Variants in LAMC2 observed in about 807,000 individuals in gnomAD.
The protein encoded by LAMC2 is laminin subunit gamma 2.
In LAMC2, 97 loss-of-function variants were observed where a neutral mutation model predicts 140.2. The observed-to-expected ratio is 0.69, with a 90% CI of 0.59 to 0.82. The LOEUF (loss-of-function observed/expected upper bound fraction) is 0.82. LAMC2 is among the 40% of genes least tolerant of loss of function. The pLI, the probability that LAMC2 is intolerant of heterozygous loss-of-function variation, is 0.00. For synonymous variants in LAMC2, 513 were observed against 540.2 expected, an observed-to-expected ratio of 0.95 and a Z score of 0.70; for missense variants, 1,402 against 1,476.1, an observed-to-expected ratio of 0.95 and a Z score of 0.82.
At chr1:183,192,674 C>CT (rs111369141) in intron 1 of LAMC2, among the ~76,000 whole-genome samples, 38,972 of 151,954 alleles carry the variant, frequency 0.26, 6,335 homozygotes, top group African/African-American at 0.47. Context: ...GTTTAATGTT[C>CT]TTTTTCTGAG....
chr1:183,223,133 A>G lies in LAMC2; in HGVS notation c.764-2A>G. The G allele has an allele frequency of 1.2e-6, 2 of 1,614,026 alleles. No homozygotes were observed. The highest frequency in any genetic ancestry group is 1.7e-6 in the Non-Finnish European group (2 of 1,179,958). On this transcript the variant is annotated splice_acceptor_variant, in intron 6 of 22. Coordinates refer to ENST00000264144, the MANE Select transcript of LAMC2 (RefSeq NM_005562.3). LOFTEE classifies it high-confidence loss of function. ...TCAATCTTTTAAAACTCTGTTTCAC[A>G]GCCAAATTTCTTGGGAATCAACAGG...
Position 183,226,829 on chromosome 1 carries a change from T to C in LAMC2, c.1198T>C (p.Tyr400His). 1.9e-6 allele frequency: 3 copies of C among 1,614,182 alleles called. No homozygotes were observed. Among genetic ancestry groups the C allele is most frequent in the Non-Finnish European group, 2.5e-6 (3 of 1,180,018 alleles). ...GQFCQDCASG[Y>H]KRDSARLGPF... Reference sequence around the variant, plus strand: ...ATTCTGCCAGGATTGTGCTTCTGGCTACAAGAGAGATTCAGCGAGACTGGG... The same window carrying C: ...ATTCTGCCAGGATTGTGCTTCTGGCCACAAGAGAGATTCAGCGAGACTGGG... The change falls in exon 9 of 23, where the codon TAC becomes CAC. Residue 400 changes from tyrosine (Y) to histidine (H), a missense_variant. Tyr to His is a moderately conservative substitution (Grantham distance 83). Around this residue, in one of 3 missense-constraint regions of LAMC2, gnomAD observed 723 missense variants for 783.3 expected, o/e 0.92. Coordinates refer to ENST00000264144, the MANE Select transcript of LAMC2 (RefSeq NM_005562.3).
In LAMC2 at chr1:183,232,505, T is replaced by C. The variant is rs535586589; in HGVS notation, c.2015-147T>C. ...TGTCTGTGGCATTCCCCCTGGGATC[T>C]GAATGATGGTGATAAAAGAATGGTT... On this transcript the variant is annotated intron_variant, in intron 13 of 22. Transcript: ENST00000264144. 246 of 1,065,780 alleles carry C rather than the reference T, an allele frequency of 2.3e-4. 6 individuals carry two copies. In the South Asian group the frequency reaches 3.2e-3, roughly 14 times the overall value. The allele number at this position is 1,065,780 out of a possible 1,614,324, so 66.0% of individuals were successfully genotyped here. A position where few individuals can be genotyped will look rare whatever the true frequency, so the allele number is the denominator to read the frequency against.
At chr1:183,238,953 C>T (rs1478293156) in intron 19 of LAMC2, among the ~76,000 whole-genome samples, 1 of 152,154 alleles carries the variant, frequency 6.6e-6, no homozygotes, top group Non-Finnish European at 1.5e-5. Flanking sequence ...CACTAAAGCA[C>T]AAAAGAGAAA....
chr1:183,255,690 G>T, the LAMC2 span, among the ~76,000 whole-genome samples: 3 of 124,644 alleles, frequency 2.4e-5, no homozygotes, highest in Admixed American at 9.2e-5. Context: ...TTCAGACAGA[G>T]TCTCACTCTG....
chr1:183,232,914 G>A, intron 14 of LAMC2, 57 bp downstream of exon 14: 1 of 1,512,044 alleles, frequency 6.6e-7, no homozygotes, highest in Non-Finnish European at 9.2e-7. Flanking sequence ...AGACCTACTT[G>A]TAGATCTCAC....
intron 2 of LAMC2, among the ~76,000 whole-genome samples, chr1:183,208,979 A>AGTT (rs1379453134): frequency 7.1e-6 from 1 of 141,600 alleles, no homozygotes; most frequent in African/African-American, 2.7e-5. Context: ...GCGCCTGGCT[A>AGTT]GTTGTTTTTT....
chr1:183,190,841 G>A (rs180769748), intron 1 of LAMC2, among the ~76,000 whole-genome samples: 98 of 152,246 alleles, frequency 6.4e-4, no homozygotes, highest in African/African-American at 2.3e-3. Context: ...CTCACCAGAT[G>A]ACTTGAGATA....
rs1218835933 is a variant in LAMC2, at chr1:183,230,956, T to C, written c.1715-5T>C. The C allele has an allele frequency of 2.5e-6, 4 of 1,614,176 alleles. No homozygotes were observed. The highest frequency in any genetic ancestry group is 3.4e-6 in the Non-Finnish European group (4 of 1,179,998). Reference sequence around the variant, plus strand: ...GTGAATGCTCCATTTGTCTTTTGTCTCTAGCTTGCAACTGTAACCCCATGG... The same window carrying C: ...GTGAATGCTCCATTTGTCTTTTGTCCCTAGCTTGCAACTGTAACCCCATGG... On this transcript the variant is annotated splice_region_variant and splice_polypyrimidine_tract_variant and intron_variant, in intron 11 of 22. Coordinates refer to ENST00000264144, the MANE Select transcript of LAMC2 (RefSeq NM_005562.3).
At chr1:183,221,284 G>C (rs1168828252) in intron 5 of LAMC2, among the ~76,000 whole-genome samples, 2 of 152,188 alleles carry the variant, frequency 1.3e-5, no homozygotes, top group Non-Finnish European at 2.9e-5. Flanking sequence ...GAGTGTATGA[G>C]TCTTCCTGGA....
chr1:183,235,006 T>C (rs1193103176), intron 15 of LAMC2, among the ~76,000 whole-genome samples: 1 of 152,106 alleles, frequency 6.6e-6, no homozygotes, highest in Non-Finnish European at 1.5e-5. Flanking sequence ...TAATCCCAAG[T>C]GGAATTCAGT....
chr1:183,249,202 T>A (rs942085558), downstream of LAMC2: 4 of 152,176 alleles, frequency 2.6e-5, no homozygotes, highest in Non-Finnish European at 5.9e-5. Flanking sequence ...CTTGTTCCTA[T>A]GTACATTCAA....
chr1:183,236,996 C>T (rs1192040428), intron 17 of LAMC2, among the ~76,000 whole-genome samples: 1 of 152,108 alleles, frequency 6.6e-6, no homozygotes, highest in Non-Finnish European at 1.5e-5. Context: ...GCCATCAGTT[C>T]CTTTAACAAT....
chr1:183,187,795 T>G (rs1332447793), intron 1 of LAMC2, among the ~76,000 whole-genome samples: 1 of 152,214 alleles, frequency 6.6e-6, no homozygotes, highest in African/African-American at 2.4e-5. Flanking sequence ...ATCTCTTGAT[T>G]TGAAAAATGA....
chr1:183,239,908 T>G, intron 20 of LAMC2, 132 bp from the exon 21 acceptor site: 3 of 1,003,402 alleles, frequency 3.0e-6, no homozygotes, highest in Non-Finnish European at 3.1e-6. Context: ...TAAGTCTGAT[T>G]CTCTCATTAT....
At position 183,218,493 on chromosome 1, in the gene LAMC2, G is replaced by A; in HGVS notation, c.503+5G>A. ...CACTGGAGAACGCTGTGATAGGTCT[G>A]TGTGAACCGTGGCCCTACAAACAGC... On this transcript the variant is annotated splice_donor_5th_base_variant and intron_variant, in intron 4 of 22. Transcript: ENST00000264144. The A allele has an allele frequency of 6.2e-7, 1 of 1,605,686 alleles. No individual in the cohort carries two copies. Among genetic ancestry groups the A allele is most frequent in the South Asian group, 1.1e-5 (1 of 90,654 alleles).
At chr1:183,201,025 G>A (rs1488441653) in intron 1 of LAMC2, among the ~76,000 whole-genome samples, 1 of 152,162 alleles carries the variant, frequency 6.6e-6, no homozygotes, top group African/African-American at 2.4e-5. Context: ...GTTTATGTAG[G>A]ACTTGAGGTA....
intron 22 of LAMC2, chr1:183,241,292 T>C: frequency 1.0e-6 from 1 of 984,966 alleles, no homozygotes. Flanking sequence ...CTTGCCGATT[T>C]TACATTTGTT....
At position 183,228,174 on chromosome 1, in the gene LAMC2, T is replaced by G. The variant is rs1307468591; in HGVS notation, c.1469-200T>G. 2.6e-5 allele frequency among the ~76,000 whole-genome samples: 4 copies of G among 152,184 alleles called. No homozygotes were observed. Among genetic ancestry groups the G allele is most frequent in the Non-Finnish European group, 5.9e-5 (4 of 68,024 alleles). On this transcript the variant is annotated intron_variant, in intron 10 of 22. Coordinates refer to ENST00000264144, the MANE Select transcript of LAMC2 (RefSeq NM_005562.3). The surrounding 1 kb of genome is among the most constrained non-coding windows in gnomAD (Gnocchi z 4.3). ...GTTAAGCCTCCTAGTGGCGCTACTG[T>G]GTTCTGCAACCTGCAGTGGGCATGG...
Sources: gnomAD v4.1 joint callset for allele counts (sites outside exome capture counted in the v4.1 genomes callset) on GRCh38, gnomAD v4.1.1 for gene constraint, gnomAD v4.1.1 regional missense constraint, Gnocchi (gnomAD v3.1) non-coding constraint, MANE v1.5 for transcripts, NCBI Gene and HGNC (gene_info 2026-07-23, HGNC 2026-07-21) for gene names.